FER: variants seen among roughly 807,000 people sequenced by gnomAD.
FER encodes the protein tyrosine-protein kinase Fer.
Under a neutral mutation model 111.0 loss-of-function variants are expected in FER, and 63 were observed. The observed-to-expected ratio is 0.57, with a 90% CI of 0.46 to 0.70. The LOEUF is 0.70. FER is among the 30% of genes least tolerant of loss of function. FER has a pLI of 0.00. For synonymous variants in FER, 327 were observed against 313.9 expected, an observed-to-expected ratio of 1.04 and a Z score of -0.44; for missense variants, 914 against 954.0, an observed-to-expected ratio of 0.96 and a Z score of 0.55.
At chr5:109,065,650 G>T (rs1228752375) in intron 16 of FER, among the ~76,000 whole-genome samples, 1 of 152,102 alleles carries the variant, frequency 6.6e-6, no homozygotes, top group Non-Finnish European at 1.5e-5. Flanking sequence ...GAGCCCAGGG[G>T]TTCACAAATT....
intron 13 of FER, among the ~76,000 whole-genome samples, chr5:109,004,993 C>T (rs1049946460): frequency 1.3e-5 from 2 of 151,918 alleles, no homozygotes; most frequent in Admixed American, 1.3e-4. Flanking sequence ...AACAAACTGA[C>T]TAGGGATGGC....
intron 10 of FER, among the ~76,000 whole-genome samples, chr5:108,902,732 A>G (rs945054982): frequency 2.0e-5 from 3 of 152,124 alleles, no homozygotes; most frequent in Non-Finnish European, 4.4e-5. Context: ...TGAATTGCTT[A>G]TGTGTTGTTG....
intron 9 of FER, among the ~76,000 whole-genome samples, chr5:108,890,483 C>G (rs1033584172): frequency 6.6e-6 from 1 of 152,026 alleles, no homozygotes; most frequent in Non-Finnish European, 1.5e-5. Flanking sequence ...CTGGTGATGG[C>G]TGACAATCCT....
intron 16 of FER, among the ~76,000 whole-genome samples, chr5:109,096,089 TCTCA>T (rs3839305): frequency 0.034 from 5,198 of 152,114 alleles, 143 homozygotes; most frequent in South Asian, 0.084. Flanking sequence ...TGCATAATAA[TCTCA>T]CTGAGTTTAT....
In FER at chr5:108,883,472, G is replaced by C. The variant is rs1391490303; in HGVS notation, c.1000G>C (p.Glu334Gln). ...LNKEEAVLEL[E>Q]KRIEESSETC... The stretch of plus-strand genomic sequence containing the variant: ...CAAGGAGGAGGCTGTTTTGGAGTTA[G>C]AGAAGAGAATTGAAGAATCTTCTGA... The change falls in exon 9 of 20, where the codon GAG becomes CAG. Residue 334 changes from glutamate (E) to glutamine (Q), a missense_variant. Around this residue, in one of 3 missense-constraint regions of FER, gnomAD observed 774 missense variants for 782.6 expected, o/e 0.99. Transcript: ENST00000281092. 1 of 1,608,804 alleles carries C rather than the reference G, an allele frequency of 6.2e-7. No homozygotes were observed. The highest frequency in any genetic ancestry group is 8.5e-7 in the Non-Finnish European group (1 of 1,176,620).
intron 16 of FER, among the ~76,000 whole-genome samples, chr5:109,082,554 C>T (rs150495801): frequency 7.4e-4 from 113 of 152,056 alleles, no homozygotes; most frequent in African/African-American, 2.4e-3. Flanking sequence ...CCTATGACAG[C>T]ACGTGTAAAC....
intron 16 of FER, among the ~76,000 whole-genome samples, chr5:109,075,336 C>T (rs1468063159): frequency 6.6e-6 from 1 of 151,440 alleles, no homozygotes; most frequent in African/African-American, 2.4e-5. Context: ...ATCTGTAAAT[C>T]AATAGCAAAT....
At chr5:108,817,443 A>G (rs181558459) in intron 3 of FER, among the ~76,000 whole-genome samples, 84 of 152,338 alleles carry the variant, frequency 5.5e-4, no homozygotes, top group Admixed American at 2.7e-3. Context: ...TGCACAGACT[A>G]TGCATTCTTC....
chr5:109,037,402 GTTC>G lies in FER; in HGVS notation c.1657-17_1657-15del, dbSNP rs1770551515. On this transcript the variant is annotated splice_polypyrimidine_tract_variant and intron_variant, in intron 13 of 19. Coordinates refer to ENST00000281092, the MANE Select transcript of FER (RefSeq NM_005246.4). Reference sequence around the variant, plus strand: ...GTACCCTTGCTTGTACTAAACAACTGTTCTTATTCTTTGCTGTAGGACAAGAAA... The same window carrying G: ...GTACCCTTGCTTGTACTAAACAACTGTTATTCTTTGCTGTAGGACAAGAAA... 1 of 1,606,612 alleles carries G rather than the reference GTTC, an allele frequency of 6.2e-7. No homozygotes were observed. The highest frequency in any genetic ancestry group is 8.5e-7 in the Non-Finnish European group (1 of 1,174,184).
intron 13 of FER, among the ~76,000 whole-genome samples, chr5:109,014,000 A>G (rs1249822994): frequency 2.6e-5 from 4 of 151,434 alleles, no homozygotes; most frequent in Non-Finnish European, 5.9e-5. Context: ...TCAGATGAGT[A>G]GGTTGCAAAA....
chr5:108,804,931 C>A (rs1196150830), intron 3 of FER, among the ~76,000 whole-genome samples: 1 of 148,420 alleles, frequency 6.7e-6, no homozygotes, highest in Non-Finnish European at 1.5e-5. Context: ...CCTCTTTGTA[C>A]ATCTAGTAGA....
At chr5:108,830,211 T>C (rs1181871750) in intron 3 of FER, among the ~76,000 whole-genome samples, 1 of 152,158 alleles carries the variant, frequency 6.6e-6, no homozygotes, top group African/African-American at 2.4e-5. Flanking sequence ...CCCAGAACTT[T>C]GGGAGGCCAA....
At chr5:109,021,310 A>C (rs142876599) in intron 13 of FER, among the ~76,000 whole-genome samples, 37 of 152,160 alleles carry the variant, frequency 2.4e-4, no homozygotes, top group African/African-American at 8.7e-4. Context: ...TCCCTGTGTG[A>C]AGTCTTTCTG....
rs1561737298 is a variant in FER, at chr5:108,993,640, C to CGAGGGA, written c.1656+34298_1656+34299insAGAGGG. On this transcript the variant is annotated intron_variant, in intron 13 of 19. Coordinates refer to ENST00000281092, the MANE Select transcript of FER (RefSeq NM_005246.4). ...GCAAGGGCGAGGGCGAGGGTGAGGG[C>CGAGGGA]GAGGGCGAGGGCGAGGGCGAGGGTG... 1.3e-4 allele frequency among the ~76,000 whole-genome samples: 15 copies of CGAGGGA among 111,192 alleles called. No homozygotes were observed. The South Asian group carries it at 1.4e-3, about 10-fold the overall frequency. 72.9% of individuals were successfully genotyped at this position (111,192 alleles called of 152,430 possible). A position where few individuals can be genotyped will look rare whatever the true frequency, so the allele number is the denominator to read the frequency against.
chr5:109,001,778 C>T (rs1451394624), intron 13 of FER, among the ~76,000 whole-genome samples: 1 of 152,198 alleles, frequency 6.6e-6, no homozygotes, highest in Non-Finnish European at 1.5e-5. Context: ...TAGGCAACTT[C>T]AGCAAAGTCT....
chr5:109,142,228 A>T (rs1233066467), intron 17 of FER, among the ~76,000 whole-genome samples: 3 of 152,184 alleles, frequency 2.0e-5, no homozygotes, highest in Non-Finnish European at 4.4e-5. Context: ...AATTGCTTTT[A>T]ATGTGAGTTA....
At chr5:108,992,705 G>A (rs973593705) in intron 13 of FER, among the ~76,000 whole-genome samples, 3 of 151,440 alleles carry the variant, frequency 2.0e-5, no homozygotes, top group African/African-American at 7.3e-5. Flanking sequence ...TCCCGGATGG[G>A]GTGGCTGCTG....
intron 10 of FER, among the ~76,000 whole-genome samples, chr5:108,901,902 G>A (rs572725303): frequency 1.3e-5 from 2 of 152,152 alleles, no homozygotes; most frequent in Admixed American, 6.5e-5. Flanking sequence ...AGTGTTCCAC[G>A]ATTGTGCCAC....
At chr5:108,971,678 A>G (rs905213334) in intron 13 of FER, among the ~76,000 whole-genome samples, 1 of 152,132 alleles carries the variant, frequency 6.6e-6, no homozygotes, top group African/African-American at 2.4e-5. Flanking sequence ...CAGCTTAATA[A>G]AGAACATTCT....
Sources: gnomAD v4.1 joint callset for allele counts (sites outside exome capture counted in the v4.1 genomes callset) on GRCh38, gnomAD v4.1.1 for gene constraint, gnomAD v4.1.1 regional missense constraint, MANE v1.5 for transcripts, NCBI Gene and HGNC (gene_info 2026-07-23, HGNC 2026-07-21) for gene names.